Variants in INHBA observed in about 807,000 individuals in gnomAD.
INHBA encodes inhibin subunit beta A.
Under a neutral mutation model 29.0 loss-of-function variants are expected in INHBA, and 1 was observed. The ratio of observed to expected loss-of-function variants is 0.03; its 90% CI spans 0.01 to 0.16. INHBA has a LOEUF of 0.16. Ranked by LOEUF, INHBA falls within the 10% of genes least tolerant of loss-of-function variation. The pLI is 1.00. For missense variants in INHBA, 376 were observed against 545.4 expected, an observed-to-expected ratio of 0.69 and a Z score of 3.09; for synonymous variants, 242 against 216.8, an observed-to-expected ratio of 1.12 and a Z score of -1.02.
At chr7:41,690,691 G>C (rs80087315) in intron 2 of INHBA, 149 bp from the exon 3 acceptor site, 30,788 of 966,794 alleles carry the variant, frequency 0.032, 659 homozygotes, top group Non-Finnish European at 0.037. Context: ...GGCTGAAACT[G>C]TTTCTGTACT....
chr7:41,697,755 A>G (rs543480887), intron 2 of INHBA, among the ~76,000 whole-genome samples: 1 of 152,326 alleles, frequency 6.6e-6, no homozygotes, highest in South Asian at 2.1e-4. Flanking sequence ...TTTTCTATTC[A>G]TGTTCATATA....
chr7:41,702,231 G>A (rs1369882219), intron 1 of INHBA, among the ~76,000 whole-genome samples: 1 of 152,166 alleles, frequency 6.6e-6, no homozygotes, highest in Non-Finnish European at 1.5e-5. Context: ...AGTGCAAGGG[G>A]AAGAGGGCAA....
Position 41,689,519 on chromosome 7 carries a change from T to TTG in INHBA, c.*130_*131insCA. ...TTGTTTTTAATTTACTTTTGTTTTT[T>TTG]TTTGTTTTTTTTTTTGTTTTGTTTT... On this transcript the variant is annotated 3_prime_UTR_variant, in exon 3 of 3. Coordinates refer to ENST00000242208, the MANE Select transcript of INHBA (RefSeq NM_002192.4). The TTG allele has an allele frequency of 1.2e-6, 1 of 830,814 alleles. No individual in the cohort carries two copies. The highest frequency in any genetic ancestry group is 1.7e-6 in the Non-Finnish European group (1 of 590,834). The allele number at this position is 830,814 out of a possible 1,614,324, so 51.5% of individuals were successfully genotyped here. A position where few individuals can be genotyped will look rare whatever the true frequency, so the allele number is the denominator to read the frequency against.
At position 41,689,624 on chromosome 7, in the gene INHBA, T is replaced by C; in HGVS notation, c.*26A>G. On this transcript the variant is annotated 3_prime_UTR_variant, in exon 3 of 3. Transcript: ENST00000242208. Reference sequence around the variant, plus strand: ...ACTGTCTTCTCTGGACAACTCTTGCTCCCTTTCCCCCTGGGCTGGGCAACT... The same window carrying C: ...ACTGTCTTCTCTGGACAACTCTTGCCCCCTTTCCCCCTGGGCTGGGCAACT... 4.0e-6 allele frequency: 6 copies of C among 1,511,514 alleles called. No homozygotes were observed. Among genetic ancestry groups the C allele is most frequent in the Non-Finnish European group, 5.3e-6 (6 of 1,133,018 alleles). 93.6% of individuals were successfully genotyped at this position (1,511,514 alleles called of 1,614,324 possible). A position where few individuals can be genotyped will look rare whatever the true frequency, so the allele number is the denominator to read the frequency against.
chr7:41,697,398 C>A (rs1185542786), intron 2 of INHBA, among the ~76,000 whole-genome samples: 1 of 152,198 alleles, frequency 6.6e-6, no homozygotes, highest in Admixed American at 6.5e-5. Context: ...GCACTTTCTA[C>A]CTAAACAGGA....
intron 2 of INHBA, among the ~76,000 whole-genome samples, chr7:41,693,335 C>T (rs767634266): frequency 3.9e-5 from 6 of 152,208 alleles, no homozygotes; most frequent in Non-Finnish European, 5.9e-5. Context: ...AGCCGATGGA[C>T]AGCAGTGCTG....
intron 2 of INHBA, among the ~76,000 whole-genome samples, chr7:41,692,985 T>TAGCC (rs1176123694): frequency 6.6e-6 from 1 of 152,194 alleles, no homozygotes; most frequent in East Asian, 1.9e-4. Flanking sequence ...CTTGGATAAC[T>TAGCC]AGCCTGGAGG....
intron 2 of INHBA, chr7:41,692,012 C>T (rs1176619861): frequency 6.6e-6 from 1 of 152,216 alleles, no homozygotes; most frequent in Admixed American, 6.5e-5. Context: ...AGCAACCACT[C>T]AGTTCCAGCC....
chr7:41,692,561 C>T (rs905640014), intron 2 of INHBA: 10 of 152,330 alleles, frequency 6.6e-5, no homozygotes, highest in Non-Finnish European at 1.3e-4. Context: ...AGGAAAGGTT[C>T]TCTGGCATCT....
intron 1 of INHBA, among the ~76,000 whole-genome samples, chr7:41,700,841 A>AAGAG (rs3030163): frequency 0.037 from 2,903 of 79,082 alleles, 91 homozygotes; most frequent in Middle Eastern, 0.073. Flanking sequence ...GAGGGAAAGG[A>AAGAG]AGAGAGAGAG....
rs376794102 is a variant in INHBA, at chr7:41,700,251, C to A, written c.124G>T (p.Ala42Ser). 7 of 1,610,580 alleles carry A rather than the reference C, an allele frequency of 4.3e-6. No homozygotes were observed. The South Asian group carries it at 7.7e-5, about 18-fold the overall frequency. ...APDCPSCALA[A>S]LPKDVPNSQP... ...GAGTTGGGTACATCCTTTGGGAGGG[C>A]GGCCAGCGCACAGGACGGACAGTCG... Residue 42 changes from alanine to serine, a missense_variant, in exon 2 of 3, where the codon GCC (alanine) becomes TCC (serine). This residue lies in a region of INHBA where 71 missense variants were observed against 77.0 expected (regional missense o/e 0.92). Coordinates refer to ENST00000242208, the MANE Select transcript of INHBA (RefSeq NM_002192.4).
rs1794406482 is a variant in INHBA, at chr7:41,687,075, C to T, written c.*2575G>A. ...AGGTCGACAGACCTGGATTAGAATC[C>T]ACTCTCAAGCTTCTCATGCAGTGCG... On this transcript the variant is annotated 3_prime_UTR_variant, in exon 3 of 3. Coordinates refer to ENST00000242208, the MANE Select transcript of INHBA (RefSeq NM_002192.4). 6.6e-6 allele frequency: 1 copy of T among 152,208 alleles called. No individual in the cohort carries two copies. Among genetic ancestry groups the T allele is most frequent in the African/African-American group, 2.4e-5 (1 of 41,452 alleles). 9.4% of individuals were successfully genotyped at this position (152,208 alleles called of 1,614,324 possible).
At chr7:41,704,529 C>G (rs1388491828), upstream of INHBA, among the ~76,000 whole-genome samples, 2 of 151,906 alleles carry the variant, frequency 1.3e-5, no homozygotes, top group African/African-American at 4.8e-5. Flanking sequence ...GAGTCAATGA[C>G]CTTCAGGGCA....
intron 2 of INHBA, chr7:41,692,029 T>C (rs1420684827): frequency 6.6e-6 from 1 of 152,252 alleles, no homozygotes; most frequent in Non-Finnish European, 1.5e-5. Context: ...AGCCTAACTC[T>C]AAAATTAGAA....
At chr7:41,698,470 T>A (rs1794698749) in intron 2 of INHBA, among the ~76,000 whole-genome samples, 1 of 152,194 alleles carries the variant, frequency 6.6e-6, no homozygotes, top group African/African-American at 2.4e-5. Flanking sequence ...TTTTTTACCT[T>A]TTCCCACCAT....
chr7:41,691,791 A>C (rs930725429), intron 2 of INHBA: 1 of 152,212 alleles, frequency 6.6e-6, no homozygotes, highest in African/African-American at 2.4e-5. Flanking sequence ...GTTTAGCAGA[A>C]AGTAGCCAAT....
chr7:41,704,594 C>T (rs1311152702), upstream of INHBA, among the ~76,000 whole-genome samples: 1 of 148,168 alleles, frequency 6.7e-6, no homozygotes, highest in Non-Finnish European at 1.5e-5. Flanking sequence ...AACATCCCCT[C>T]CGCCTCCACA....
chr7:41,700,841 AAGAGAGAGAGAG>A (rs3030163), intron 1 of INHBA, among the ~76,000 whole-genome samples: 29 of 79,144 alleles, frequency 3.7e-4, no homozygotes, highest in Middle Eastern at 9.1e-3. Context: ...GAGGGAAAGG[AAGAGAGAGAGAG>A]AGAGAGAGAG....
chr7:41,704,416 T>C (rs1368856362), upstream of INHBA, among the ~76,000 whole-genome samples: 1 of 151,984 alleles, frequency 6.6e-6, no homozygotes, highest in Non-Finnish European at 1.5e-5. Flanking sequence ...AGAAATAGGA[T>C]TAATGATGGT....
Sources: gnomAD v4.1 joint callset for allele counts (sites outside exome capture counted in the v4.1 genomes callset) on GRCh38, gnomAD v4.1.1 for gene constraint, gnomAD v4.1.1 regional missense constraint, MANE v1.5 for transcripts, NCBI Gene and HGNC (gene_info 2026-07-23, HGNC 2026-07-21) for gene names.